Variants in PIGN observed in about 807,000 individuals in gnomAD.
The protein encoded by PIGN is GPI ethanolamine phosphate transferase 1.
A neutral mutation model predicts 125.4 loss-of-function variants in PIGN; 117 were observed. That is an observed-to-expected ratio of 0.93 (90% CI 0.80 to 1.09). The LOEUF is 1.09. PIGN is among the 50% of genes least tolerant of loss of function. The pLI is 0.00. For synonymous variants in PIGN, 392 were observed against 377.8 expected (o/e 1.04, Z -0.44); for missense variants, 1,075 against 1,094.9 (o/e 0.98, Z 0.26).
At chr18:62,068,404 T>C (rs758413023) in intron 30 of PIGN, among the ~76,000 whole-genome samples, 24 of 152,190 alleles carry the variant, frequency 1.6e-4, no homozygotes, top group Non-Finnish European at 3.1e-4. Context: ...AGAAATTTGT[T>C]GAACTCAAAT....
chr18:62,144,953 C>T (rs1568225661), intron 10 of PIGN, among the ~76,000 whole-genome samples: 1 of 151,134 alleles, frequency 6.6e-6, no homozygotes, highest in Admixed American at 6.6e-5. Flanking sequence ...TACTACATTC[C>T]AGCCCATTCC....
intron 23 of PIGN, among the ~76,000 whole-genome samples, chr18:62,028,426 T>C (rs1176800357): frequency 6.6e-6 from 1 of 152,170 alleles, no homozygotes; most frequent in Non-Finnish European, 1.5e-5. Flanking sequence ...ATAGAAGAAA[T>C]TTAAACAAGA....
chr18:62,048,768 T>C (rs183816647), intron 30 of PIGN, among the ~76,000 whole-genome samples: 6 of 151,086 alleles, frequency 4.0e-5, no homozygotes, highest in Middle Eastern at 3.4e-3. Context: ...TAGTTACATA[T>C]GTATACATGT....
At chr18:62,171,734 G>T (rs2037351011) in intron 1 of PIGN, among the ~76,000 whole-genome samples, 1 of 152,088 alleles carries the variant, frequency 6.6e-6, no homozygotes, top group Admixed American at 6.5e-5. Flanking sequence ...TGTTAATGTG[G>T]TGAATTAATA....
At chr18:62,066,895 A>C (rs752673506) in intron 30 of PIGN, among the ~76,000 whole-genome samples, 9 of 152,210 alleles carry the variant, frequency 5.9e-5, no homozygotes, top group Non-Finnish European at 1.0e-4. Context: ...ATCTCCCTCA[A>C]AGGGAGGTGT....
chr18:62,108,725 G>C (rs1371670992), intron 17 of PIGN, among the ~76,000 whole-genome samples: 1 of 151,998 alleles, frequency 6.6e-6, no homozygotes, highest in Admixed American at 6.6e-5. Context: ...TGAGTAGCTG[G>C]AATTACAGGT....
chr18:62,073,016 A>G (rs992767627), intron 29 of PIGN, among the ~76,000 whole-genome samples: 2 of 152,208 alleles, frequency 1.3e-5, no homozygotes, highest in Non-Finnish European at 2.9e-5. Flanking sequence ...ATAATACTAA[A>G]GATGTCAGTG....
Position 62,070,054 on chromosome 18 carries a change from T to C in PIGN, c.2672+2619A>G, listed in dbSNP as rs1371490091. The C allele has an allele frequency of 2.2e-5, 4 of 183,274 alleles. No homozygotes were observed. In the East Asian group the frequency reaches 5.4e-4, roughly 25 times the overall value. The allele number at this position is 183,274 out of a possible 1,614,324, so 11.4% of individuals were successfully genotyped here. Reference sequence around the variant, plus strand: ...AATTACAGAATGACAACAGTAACAATTGCTGACATTCACTGAAGCTTATTA... The same window carrying C: ...AATTACAGAATGACAACAGTAACAACTGCTGACATTCACTGAAGCTTATTA... On this transcript the variant is annotated intron_variant, in intron 30 of 30. Coordinates refer to ENST00000640252, the MANE Select transcript of PIGN (RefSeq NM_176787.5).
chr18:62,102,549 C>T (rs2034486759), intron 21 of PIGN, among the ~76,000 whole-genome samples: 1 of 148,598 alleles, frequency 6.7e-6, no homozygotes, highest in South Asian at 2.1e-4. Context: ...ACTTTTTGGT[C>T]AATACAGTTT....
At chr18:62,172,057 C>T (rs1241163618) in intron 1 of PIGN, among the ~76,000 whole-genome samples, 4 of 151,962 alleles carry the variant, frequency 2.6e-5, no homozygotes, top group African/African-American at 9.7e-5. Flanking sequence ...CAAAATTCAC[C>T]AATGAAACCA....
intron 17 of PIGN, among the ~76,000 whole-genome samples, chr18:62,108,418 A>G (rs1048443543): frequency 6.6e-6 from 1 of 152,138 alleles, no homozygotes; most frequent in African/African-American, 2.4e-5. Context: ...TTGTTCTAAA[A>G]GTTTAAAAAC....
intron 30 of PIGN, among the ~76,000 whole-genome samples, chr18:62,070,869 T>A (rs1381652505): frequency 6.6e-6 from 1 of 152,152 alleles, no homozygotes. Context: ...AGTGGCCCAG[T>A]CATGGCTCAC....
intron 4 of PIGN, among the ~76,000 whole-genome samples, chr18:62,159,632 AAT>A (rs1386732417): frequency 6.6e-6 from 1 of 152,100 alleles, no homozygotes; most frequent in Non-Finnish European, 1.5e-5. Flanking sequence ...TTTATCCTTC[AAT>A]ATGTTATGCA....
At position 62,045,574 on chromosome 18, in the gene PIGN, A is replaced by T. The variant is rs1186274751; in HGVS notation, c.*282T>A. ...CCAGATTGCTGCAGGTGCTCTCAAC[A>T]TCACTGGGAAGAGCTGCCAGCCAAA... is the stretch of plus-strand genomic sequence containing the variant. On this transcript the variant is annotated 3_prime_UTR_variant, in exon 31 of 31. Coordinates refer to ENST00000640252, the MANE Select transcript of PIGN (RefSeq NM_176787.5). The T allele has an allele frequency of 3.9e-6, 1 of 259,454 alleles. No individual in the cohort carries two copies. The highest frequency in any genetic ancestry group is 2.2e-5 in the African/African-American group (1 of 44,568). 16.1% of individuals were successfully genotyped at this position (259,454 alleles called of 1,614,324 possible).
At position 62,044,011 on chromosome 18, in the gene PIGN, G is replaced by A. The variant is rs939464919; in HGVS notation, c.*1845C>T. 1 of 152,096 alleles carries A rather than the reference G, an allele frequency of 6.6e-6. No individual in the cohort carries two copies. The highest frequency in any genetic ancestry group is 2.1e-4 in the South Asian group (1 of 4,818). 9.4% of individuals were successfully genotyped at this position (152,096 alleles called of 1,614,324 possible). On this transcript the variant is annotated 3_prime_UTR_variant, in exon 31 of 31. Transcript: ENST00000640252. Reference sequence around the variant, plus strand: ...TATCTGGGAAACTGCAACAGAAAAGGCTTGTTCCCATGTGAGTCTGAAGGG... The same window carrying A: ...TATCTGGGAAACTGCAACAGAAAAGACTTGTTCCCATGTGAGTCTGAAGGG...
intron 23 of PIGN, among the ~76,000 whole-genome samples, chr18:62,031,892 A>G (rs551702531): frequency 7.9e-5 from 12 of 152,228 alleles, no homozygotes; most frequent in African/African-American, 2.6e-4. Context: ...TTATTTTTTC[A>G]CAGTTCCAAA....
intron 24 of PIGN, 121 bp from the exon 25 acceptor site, chr18:62,088,963 AT>A (rs1401162350): frequency 8.6e-6 from 5 of 584,238 alleles, no homozygotes; most frequent in African/African-American, 3.8e-5. Context: ...TGACAAAAAA[AT>A]AAACAATAAA....
chr18:62,132,085 T>G (rs1211819263), intron 14 of PIGN, among the ~76,000 whole-genome samples: 1 of 152,062 alleles, frequency 6.6e-6, no homozygotes, highest in African/African-American at 2.4e-5. Context: ...GTTATCTTTT[T>G]TGCTAAAAGC....
chr18:62,071,898 AT>A (rs2032890944), intron 30 of PIGN, among the ~76,000 whole-genome samples: 2 of 120,288 alleles, frequency 1.7e-5, no homozygotes, highest in Admixed American at 7.9e-5. Flanking sequence ...ATATATATAT[AT>A]ATATATATAT....
Sources: allele counts gnomAD v4.1 joint callset (sites outside exome capture counted in the v4.1 genomes callset), GRCh38; gene constraint gnomAD v4.1.1; transcripts MANE v1.5; gene names NCBI Gene and HGNC (gene_info 2026-07-23, HGNC 2026-07-21).